Variants in APBB1 observed in about 807,000 individuals in gnomAD.
APBB1 encodes the protein amyloid beta precursor protein binding family B member 1, also known as adaptor protein FE65a2.
A neutral mutation model predicts 78.4 loss-of-function variants in APBB1; 22 were observed. The observed-to-expected ratio is 0.28, with a 90% CI of 0.20 to 0.40. APBB1 has a LOEUF of 0.40. APBB1 is among the 10% of genes least tolerant of loss of function. The pLI is 1.00. For synonymous variants in APBB1, 369 were observed against 372.7 expected (o/e 0.99, Z 0.12); for missense variants, 749 against 932.4 (o/e 0.80, Z 2.56).
intron 2 of APBB1, among the ~76,000 whole-genome samples, chr11:6,410,016 G>A (rs867088773): frequency 4.6e-5 from 7 of 151,966 alleles, no homozygotes; most frequent in South Asian, 4.2e-4. Context: ...GGGAGCTGCT[G>A]GCTGCTCCCA....
At chr11:6,406,364 C>G (rs534690800) in intron 2 of APBB1, among the ~76,000 whole-genome samples, 1 of 152,124 alleles carries the variant, frequency 6.6e-6, no homozygotes, top group Non-Finnish European at 1.5e-5. Flanking sequence ...CTCTCCACCC[C>G]ACATAACTAA....
At chr11:6,412,209 A>G (rs192854923) in intron 1 of APBB1, among the ~76,000 whole-genome samples, 1 of 152,156 alleles carries the variant, frequency 6.6e-6, no homozygotes, top group East Asian at 1.9e-4. Flanking sequence ...CTGGAGTGCA[A>G]TGGCACAATC....
rs1182008107 is a variant in APBB1 at position 6,401,834 on chromosome 11, G to C, written c.1388+143C>G. On this transcript the variant is annotated intron_variant, in intron 9 of 14. Coordinates refer to ENST00000609360, the MANE Select transcript of APBB1 (RefSeq NM_001164.5). This position sits in a 1 kb window ranked among gnomAD's most constrained non-coding sequence, Gnocchi z 4.5. ...CCCCCATAGGTGCTGCCTTCTTGGG[G>C]GGGAGGGGTAGACAGGCAAGCATGC... 2.8e-6 allele frequency: 4 copies of C among 1,424,810 alleles called. No homozygotes were observed. In the Admixed American group the frequency reaches 5.7e-5, roughly 20 times the overall value. 88.3% of individuals were successfully genotyped at this position (1,424,810 alleles called of 1,614,324 possible).
intron 12 of APBB1, among the ~76,000 whole-genome samples, chr11:6,398,850 C>T (rs1403989185): frequency 1.3e-5 from 2 of 152,184 alleles, no homozygotes; most frequent in African/African-American, 4.8e-5. Flanking sequence ...AAAGTCAGCA[C>T]GGTATAAGGG....
At chr11:6,405,083 T>TGGCTCCCCTCCCCCA in intron 2 of APBB1, 1 of 1,372,316 alleles carries the variant, frequency 7.3e-7, no homozygotes, top group South Asian at 1.7e-5. Flanking sequence ...TTCCTCGCCC[T>TGGCTCCCCTCCCCCA]GGCTCCCCTC....
chr11:6,415,151 T>C lies in APBB1; in HGVS notation c.-14-3790A>G, dbSNP rs571951584. 3.3e-4 allele frequency among the ~76,000 whole-genome samples: 51 copies of C among 152,260 alleles called. 1 individual carries two copies. Among genetic ancestry groups the C allele is most frequent in the Admixed American group, 3.1e-3 (47 of 15,296 alleles). The stretch of plus-strand genomic sequence containing the variant: ...TTTTTAAAGAAGGAACACAACCTAA[T>C]CTCTCCCCTCTCATTGGAGTTACCA... On this transcript the variant is annotated intron_variant, in intron 1 of 14. Transcript: ENST00000609360.
At chr11:6,402,549 C>T (rs763680563) in intron 7 of APBB1, 27 bp downstream of exon 7, 2 of 1,608,678 alleles carry the variant, frequency 1.2e-6, no homozygotes, top group Non-Finnish European at 8.5e-7. Context: ...CACAGTACCA[C>T]CCCCTACCCC....
Position 6,403,136 on chromosome 11 carries a change from T to C in APBB1, c.1104+9A>G. ...CCAGACTCAGAATGGGTGTCAGTCT[T>C]GAACAAACCTTGATCCCTGGGTTGG... On this transcript the variant is annotated intron_variant, in intron 6 of 14. Transcript: ENST00000609360. This position sits in a 1 kb window ranked among gnomAD's most constrained non-coding sequence, Gnocchi z 5.3. The C allele has an allele frequency of 6.2e-7, 1 of 1,607,982 alleles. No homozygotes were observed. Among genetic ancestry groups the C allele is most frequent in the Non-Finnish European group, 8.5e-7 (1 of 1,177,270 alleles).
chr11:6,406,293 T>C (rs1045746193), intron 2 of APBB1, among the ~76,000 whole-genome samples: 1 of 152,242 alleles, frequency 6.6e-6, no homozygotes, highest in Non-Finnish European at 1.5e-5. Flanking sequence ...AATGCCTTAG[T>C]GGTGAAGCCA....
intron 12 of APBB1, among the ~76,000 whole-genome samples, chr11:6,397,978 T>C (rs1055498864): frequency 3.9e-5 from 6 of 152,110 alleles, no homozygotes; most frequent in African/African-American, 1.2e-4. Context: ...GCCAGGGCAA[T>C]TGGAAATCTC....
Position 6,397,785 on chromosome 11 carries a change from C to T in APBB1, c.1673-1570G>A, listed in dbSNP as rs569197746. On this transcript the variant is annotated intron_variant, in intron 12 of 14. Coordinates refer to ENST00000609360, the MANE Select transcript of APBB1 (RefSeq NM_001164.5). ...GGAATTTAATTCATCCCTCTGTCCC[C>T]AATTCTAACACAGGGCTTATCTGCT... Among the ~76,000 whole-genome samples the T allele has an allele frequency of 1.5e-4, 23 of 152,340 alleles. 1 individual carries two copies. Among genetic ancestry groups the T allele is most frequent in the African/African-American group, 4.1e-4 (17 of 41,582 alleles).
Position 6,395,590 on chromosome 11 carries a change from C to A in APBB1, c.2077G>T (p.Val693Phe). The stretch of plus-strand genomic sequence containing the variant: ...TTCAGGGAGCCCCACAGCGACTGAA[C>A]ACCCCTGCGGACAGTCCACCCTACA... ...RRVGWTVRRG[V>F]QSLWGSLKPK... Residue 693 changes from valine (V) to phenylalanine (F), a missense_variant, in exon 15 of 15, where the codon GTT becomes TTT. Physicochemically the swap from Val to Phe is conservative, Grantham distance 50 (BLOSUM62 -1). Around this residue, in one of 3 missense-constraint regions of APBB1, gnomAD observed 96 missense variants for 116.0 expected, o/e 0.83. Transcript: ENST00000609360. This position sits in a 1 kb window ranked among gnomAD's most constrained non-coding sequence, Gnocchi z 5.2. 6.3e-7 allele frequency: 1 copy of A among 1,586,670 alleles called. No individual in the cohort carries two copies. Among genetic ancestry groups the A allele is most frequent in the South Asian group, 1.1e-5 (1 of 88,080 alleles).
In APBB1 at chr11:6,402,069, G is replaced by A. The variant is rs529377650; in HGVS notation, c.1382+13C>T. 1 of 1,613,662 alleles carries A rather than the reference G, an allele frequency of 6.2e-7. No individual in the cohort carries two copies. The highest frequency in any genetic ancestry group is 1.3e-5 in the African/African-American group (1 of 75,032). ...ATGAACTCCCACCCTCGAATCCCAA[G>A]CCCTATTCCCACCTTCCACTGTCCC... is the stretch of plus-strand genomic sequence containing the variant. On this transcript the variant is annotated intron_variant, in intron 8 of 14. Transcript: ENST00000609360.
Position 6,404,930 on chromosome 11 carries a change from G to C in APBB1, c.722-1108C>G, listed in dbSNP as rs900327341. 3 of 1,448,636 alleles carry C rather than the reference G, an allele frequency of 2.1e-6. No homozygotes were observed. In the South Asian group the frequency reaches 4.3e-5, roughly 21 times the overall value. The allele number at this position is 1,448,636 out of a possible 1,614,324, so 89.7% of individuals were successfully genotyped here. A position where few individuals can be genotyped will look rare whatever the true frequency, so the allele number is the denominator to read the frequency against. ...CGCCCCCTTCTCACCAGGGCAGAGC[G>C]TCTGCCAGGCAAGATCCTCCCCCGC... On this transcript the variant is annotated intron_variant, in intron 2 of 14. Transcript: ENST00000609360.
At chr11:6,414,661 A>G (rs1849076099) in intron 1 of APBB1, among the ~76,000 whole-genome samples, 1 of 152,146 alleles carries the variant, frequency 6.6e-6, no homozygotes, top group Admixed American at 6.5e-5. Context: ...GGGAAGTAAG[A>G]TGGGACAGGA....
chr11:6,395,998 A>T lies in APBB1; in HGVS notation c.1789-36T>A. 1 of 1,606,854 alleles carries T rather than the reference A, an allele frequency of 6.2e-7. No individual in the cohort carries two copies. Among genetic ancestry groups the T allele is most frequent in the Non-Finnish European group, 8.5e-7 (1 of 1,175,182 alleles). On this transcript the variant is annotated intron_variant, in intron 13 of 14. Transcript: ENST00000609360. This position sits in a 1 kb window ranked among gnomAD's most constrained non-coding sequence, Gnocchi z 5.2. ...GGAACTCAGTTAAAAAGGAACACCAACCCCACACTGTGTTCCACATCCATC... is the reference window on the plus strand; with the variant it reads ...GGAACTCAGTTAAAAAGGAACACCATCCCCACACTGTGTTCCACATCCATC...
At chr11:6,417,661 T>A (rs961977708) in intron 1 of APBB1, among the ~76,000 whole-genome samples, 2 of 152,204 alleles carry the variant, frequency 1.3e-5, no homozygotes, top group African/African-American at 4.8e-5. Flanking sequence ...AAAATGGTGG[T>A]GGCCCAGATT....
intron 2 of APBB1, chr11:6,404,796 T>C: frequency 6.5e-7 from 1 of 1,536,170 alleles, no homozygotes. Context: ...TGGGAGAACA[T>C]GGCGCTCATT....
In APBB1 at chr11:6,410,947, C is replaced by G. The variant is rs774054221; in HGVS notation, c.401G>C (p.Gly134Ala). 3 of 1,614,214 alleles carry G rather than the reference C, an allele frequency of 1.9e-6. No individual in the cohort carries two copies. The South Asian group carries it at 3.3e-5, about 18-fold the overall frequency. The stretch of plus-strand genomic sequence containing the variant: ...TTGAGTGCTGATGATCAGGCCAGGT[C>G]CTCGTAGGCCTCGGTTGGCTGCGTT... ...AHNAANRGLRGPGLIISTQEQ... is the reference protein window; with the variant it reads ...AHNAANRGLRAPGLIISTQEQ... The change falls in exon 2 of 15, where the codon GGA (glycine) becomes GCA (alanine). Residue 134 changes from glycine (G) to alanine (A), a missense_variant. By Grantham distance (60) the Gly-to-Ala change is moderately conservative. This residue lies in a region of APBB1 where 635 missense variants were observed against 765.0 expected (regional missense o/e 0.83). Coordinates refer to ENST00000609360, the MANE Select transcript of APBB1 (RefSeq NM_001164.5).
Sources: allele counts gnomAD v4.1 joint callset (sites outside exome capture counted in the v4.1 genomes callset), GRCh38; gene constraint gnomAD v4.1.1; regional missense constraint gnomAD v4.1.1; non-coding constraint Gnocchi (gnomAD v3.1); transcripts MANE v1.5; gene names NCBI Gene and HGNC (gene_info 2026-07-23, HGNC 2026-07-21).